The following CYTH3 variants were observed in gnomAD, a reference collection of about 807,000 sequenced individuals.
CYTH3 encodes cytohesin-3.
Under a neutral mutation model 55.1 loss-of-function variants are expected in CYTH3, and 23 were observed. The ratio of observed to expected loss-of-function variants is 0.42; its 90% CI spans 0.30 to 0.59. The LOEUF is 0.59. Among genes scored for constraint, CYTH3 ranks in the 20% least tolerant of loss-of-function variants. The pLI, the probability that CYTH3 is intolerant of heterozygous loss-of-function variation, is 0.20. For synonymous variants in CYTH3, 249 were observed against 194.9 expected, an observed-to-expected ratio of 1.28 and a Z score of -2.31; for missense variants, 413 against 524.8, an observed-to-expected ratio of 0.79 and a Z score of 2.08.
chr7:6,221,288 T>C (rs1005162678), intron 1 of CYTH3, among the ~76,000 whole-genome samples: 2 of 152,194 alleles, frequency 1.3e-5, no homozygotes, highest in Non-Finnish European at 2.9e-5. Context: ...TTAAGCTGAA[T>C]TTTTAAAAAC....
intron 1 of CYTH3, among the ~76,000 whole-genome samples, chr7:6,231,373 G>A (rs1779387575): frequency 1.3e-5 from 2 of 152,214 alleles, no homozygotes; most frequent in South Asian, 2.1e-4. Flanking sequence ...TGAGCACGAA[G>A]ACTCCAAAGA....
chr7:6,186,311 C>A (rs1232754701), intron 4 of CYTH3, among the ~76,000 whole-genome samples: 2 of 151,560 alleles, frequency 1.3e-5, no homozygotes, highest in African/African-American at 4.9e-5. Context: ...ACCAGCTCTG[C>A]AGCGAGACCT....
chr7:6,255,766 T>TTG (rs1562414848), intron 1 of CYTH3, among the ~76,000 whole-genome samples: 1 of 143,894 alleles, frequency 6.9e-6, no homozygotes, highest in African/African-American at 2.6e-5. Flanking sequence ...CTGTTTTTTT[T>TTG]TTTTTTTTTT....
rs561504400 is a variant in CYTH3 at position 6,173,062 on chromosome 7, T to A, written c.449+591A>T. On this transcript the variant is annotated intron_variant, in intron 6 of 12. Coordinates refer to ENST00000350796, the MANE Select transcript of CYTH3 (RefSeq NM_004227.4). The stretch of plus-strand genomic sequence containing the variant: ...GAAGCCCTGCCTCCTCTCCCCCGGA[T>A]GCTGCTGAGTGCTGGCTCAGGGTCA... 1.1e-5 allele frequency: 12 copies of A among 1,069,426 alleles called. No individual in the cohort carries two copies. In the South Asian group the frequency reaches 2.1e-4, roughly 19 times the overall value. 66.2% of individuals were successfully genotyped at this position (1,069,426 alleles called of 1,614,324 possible).
At chr7:6,237,761 T>G (rs1234252153) in intron 1 of CYTH3, among the ~76,000 whole-genome samples, 1 of 152,152 alleles carries the variant, frequency 6.6e-6, no homozygotes, top group African/African-American at 2.4e-5. Context: ...CCAAAAGTAT[T>G]ATTGCCAATT....
At chr7:6,177,028 T>C (rs1274834564) in intron 5 of CYTH3, among the ~76,000 whole-genome samples, 6 of 152,278 alleles carry the variant, frequency 3.9e-5, no homozygotes, top group Non-Finnish European at 8.8e-5. Context: ...ACTTGTATGT[T>C]GAACTAACCT....
chr7:6,212,614 T>A (rs1264725746), intron 1 of CYTH3: 1 of 151,202 alleles, frequency 6.6e-6, no homozygotes, highest in Admixed American at 6.6e-5. Context: ...GTTTCCTTTT[T>A]TAAAAACATT....
At chr7:6,255,899 G>T (rs1372068691) in intron 1 of CYTH3, among the ~76,000 whole-genome samples, 1 of 151,312 alleles carries the variant, frequency 6.6e-6, no homozygotes, top group Non-Finnish European at 1.5e-5. Flanking sequence ...GAGTAGCTGG[G>T]ACTACAGGTG....
Position 6,164,943 on chromosome 7 carries a change from G to A in CYTH3, c.*1C>T. 1.2e-6 allele frequency: 2 copies of A among 1,614,210 alleles called. No individual in the cohort carries two copies. The highest frequency in any genetic ancestry group is 2.2e-5 in the East Asian group (1 of 44,878). On this transcript the variant is annotated 3_prime_UTR_variant, in exon 13 of 13. Transcript: ENST00000350796. ...TTACCTGGGTCTTTTAGCCAGGAAAGCTATTTTTTATTGGCAATCCTTCGT... is the reference window on the plus strand; with the variant it reads ...TTACCTGGGTCTTTTAGCCAGGAAAACTATTTTTTATTGGCAATCCTTCGT...
At chr7:6,212,440 T>G (rs753334592) in intron 1 of CYTH3, among the ~76,000 whole-genome samples, 8 of 152,102 alleles carry the variant, frequency 5.3e-5, no homozygotes, top group Middle Eastern at 6.8e-3. Context: ...CCTTTCCCCA[T>G]CCCCAGGCAC....
chr7:6,179,475 C>T (rs1469847876), intron 4 of CYTH3, among the ~76,000 whole-genome samples: 8 of 151,958 alleles, frequency 5.3e-5, no homozygotes, highest in African/African-American at 1.9e-4. Flanking sequence ...AATTTGTGCA[C>T]CATGTTTTAA....
chr7:6,232,574 A>G (rs1333074782), intron 1 of CYTH3, among the ~76,000 whole-genome samples: 1 of 152,144 alleles, frequency 6.6e-6, no homozygotes, highest in East Asian at 1.9e-4. Context: ...CAGGGCTCAG[A>G]CCAAAAAGAG....
intron 4 of CYTH3, 97 bp from the exon 5 acceptor site, chr7:6,178,038 G>C: frequency 1.1e-6 from 1 of 872,864 alleles, no homozygotes; most frequent in Non-Finnish European, 1.9e-6. Flanking sequence ...TTACTGGTAT[G>C]GACACAGCAA....
Position 6,179,917 on chromosome 7 carries a change from C to T in CYTH3, c.250-1976G>A, listed in dbSNP as rs1460880951. Among the ~76,000 whole-genome samples, 7 of 147,782 alleles carry T rather than the reference C, an allele frequency of 4.7e-5. No homozygotes were observed. The South Asian group carries it at 8.6e-4, about 18-fold the overall frequency. On this transcript the variant is annotated intron_variant, in intron 4 of 12. Transcript: ENST00000350796. ...ACACCCACACACAACCACACACACA[C>T]AAACCACACACACACACACACACAC...
intron 5 of CYTH3, among the ~76,000 whole-genome samples, 191 bp from the exon 6 acceptor site, chr7:6,173,924 G>A (rs1251598262): frequency 6.6e-6 from 1 of 151,982 alleles, no homozygotes; most frequent in African/African-American, 2.4e-5. Flanking sequence ...GCAACTCCTG[G>A]GCTCAAGTGG....
At chr7:6,271,118 G>A (rs1780638989) in intron 1 of CYTH3, among the ~76,000 whole-genome samples, 1 of 151,826 alleles carries the variant, frequency 6.6e-6, no homozygotes, top group African/African-American at 2.4e-5. Context: ...CCTGACTGTA[G>A]GAGGGTTCGC....
At chr7:6,245,859 G>A (rs1455171573) in intron 1 of CYTH3, among the ~76,000 whole-genome samples, 3 of 152,322 alleles carry the variant, frequency 2.0e-5, no homozygotes, top group South Asian at 4.1e-4. Context: ...AGCCGAGATC[G>A]TGCCACTGCG....
At position 6,179,762 on chromosome 7, in the gene CYTH3, A is replaced by C. The variant is rs1357280565; in HGVS notation, c.250-1821T>G. Among the ~76,000 whole-genome samples the C allele has an allele frequency of 2.4e-3, 243 of 100,484 alleles. 3 individuals are homozygous for C. The highest frequency in any genetic ancestry group is 9.1e-3 in the African/African-American group (220 of 24,098). The allele number at this position is 100,484 out of a possible 152,430, so 65.9% of individuals were successfully genotyped here. A position where few individuals can be genotyped will look rare whatever the true frequency, so the allele number is the denominator to read the frequency against. The stretch of plus-strand genomic sequence containing the variant: ...ACCACACACACCCCACACCCCCACC[A>C]CACACACCCCACACACACCACCTAC... On this transcript the variant is annotated intron_variant, in intron 4 of 12. Coordinates refer to ENST00000350796, the MANE Select transcript of CYTH3 (RefSeq NM_004227.4).
At position 6,187,149 on chromosome 7, in the gene CYTH3, T is replaced by C. The variant is rs766326089; in HGVS notation, c.183-33A>G. ...TGTGAAATAATTTAAAAATCACTCA[T>C]GCTGTTTTCACAATGCAGCCCAGTC... is the stretch of plus-strand genomic sequence containing the variant. On this transcript the variant is annotated intron_variant, in intron 3 of 12. Transcript: ENST00000350796. 6 of 1,596,510 alleles carry C rather than the reference T, an allele frequency of 3.8e-6. No homozygotes were observed. The Admixed American group carries it at 5.0e-5, about 13-fold the overall frequency.
Sources: gnomAD v4.1 joint callset for allele counts (sites outside exome capture counted in the v4.1 genomes callset) on GRCh38, gnomAD v4.1.1 for gene constraint, MANE v1.5 for transcripts, NCBI Gene and HGNC (gene_info 2026-07-23, HGNC 2026-07-21) for gene names.